Variants in MRPL52 observed in about 807,000 individuals in gnomAD.
MRPL52 encodes the protein mitochondrial ribosomal protein L52.
A neutral mutation model predicts 22.1 loss-of-function variants in MRPL52; 19 were observed. That is an observed-to-expected ratio of 0.86 (90% CI 0.60 to 1.26). MRPL52 has a LOEUF of 1.26. MRPL52 is among the 50% of genes most tolerant of loss of function. The pLI, the probability that MRPL52 is intolerant of heterozygous loss-of-function variation, is 0.00. For missense variants in MRPL52, 152 were observed against 148.1 expected (o/e 1.03, Z -0.14); for synonymous variants, 50 against 57.5 (o/e 0.87, Z 0.59).
Position 22,834,297 on chromosome 14 carries a change from G to C in MRPL52, c.345G>C (p.Leu115=), listed in dbSNP as rs765323302. Residue 115 remains leucine (L), a synonymous_variant, in exon 5 of 5, where the codon CTG becomes CTC. Transcript: ENST00000397496. The part of the protein sequence containing the change: ...ENALKPKGAS[L]KSPLPSQ ...CTCTTAAACCCAAAGGGGCTTCACT[G>C]AAGAGCCCACTTCCAAGTCAATAAA... The C allele has an allele frequency of 6.2e-7, 1 of 1,613,516 alleles. No homozygotes were observed. Among genetic ancestry groups the C allele is most frequent in the South Asian group, 1.1e-5 (1 of 90,958 alleles).
rs1417625077 is a variant in MRPL52 at position 22,830,216 on chromosome 14, A to G, written c.116A>G (p.Tyr39Cys). The change falls in exon 3 of 5, where the codon TAC becomes TGC. Residue 39 changes from tyrosine to cysteine, a missense_variant. Coordinates refer to ENST00000397496, the MANE Select transcript of MRPL52 (RefSeq NM_180982.3). ...GGACTGGCTGCCAACCCCTCCGGCT[A>G]CGGGCCCCTTACCGAGCTCCCAGAC... is the stretch of plus-strand genomic sequence containing the variant. ...QQGLAANPSG[Y>C]GPLTELPDWS... 3 of 1,614,098 alleles carry G rather than the reference A, an allele frequency of 1.9e-6. No individual in the cohort carries two copies. The highest frequency in any genetic ancestry group is 1.3e-5 in the African/African-American group (1 of 74,944).
rs60352567 is a variant in MRPL52 at position 22,832,433 on chromosome 14, C to T, written c.155-985C>T. On this transcript the variant is annotated intron_variant, in intron 3 of 4. Transcript: ENST00000397496. ...TTGGCTCACTGCAAGCTCAGCCTCC[C>T]GGGTTCAGGCCATTCTCATGCCTCA... Among the ~76,000 whole-genome samples, 64 of 152,144 alleles carry T rather than the reference C, an allele frequency of 4.2e-4. 1 individual carries two copies. Among genetic ancestry groups the T allele is most frequent in the Admixed American group, 3.2e-3 (49 of 15,266 alleles).
chr14:22,831,688 C>T (rs944374577), intron 3 of MRPL52: 3 of 152,222 alleles, frequency 2.0e-5, no homozygotes, highest in African/African-American at 7.2e-5. Context: ...AAGTAAACTA[C>T]TTGGGTTAGA....
At chr14:22,833,515 G>T in intron 4 of MRPL52, 33 bp downstream of exon 4, 1 of 1,516,396 alleles carries the variant, frequency 6.6e-7, no homozygotes. Context: ...AGGGCTACCT[G>T]GAAGGAGAAC....
intron 3 of MRPL52, 182 bp downstream of exon 3, chr14:22,830,436 G>A (rs982070741): frequency 2.2e-5 from 14 of 646,728 alleles, no homozygotes; most frequent in Non-Finnish European, 2.4e-5. Flanking sequence ...TTCGACTAAG[G>A]AAGGTAAAGC....
rs758058731 is a variant in MRPL52 at position 22,834,152 on chromosome 14, T to A, written c.220-20T>A. The A allele has an allele frequency of 2.5e-6, 4 of 1,613,070 alleles. No homozygotes were observed. The East Asian group carries it at 8.9e-5, about 36-fold the overall frequency. On this transcript the variant is annotated intron_variant, in intron 4 of 4. Coordinates refer to ENST00000397496, the MANE Select transcript of MRPL52 (RefSeq NM_180982.3). Reference sequence around the variant, plus strand: ...CTGAAGTCCCAGATGTTATCCACACTGTTTTCCTGTCTGTTTCAGAGACGA... The same window carrying A: ...CTGAAGTCCCAGATGTTATCCACACAGTTTTCCTGTCTGTTTCAGAGACGA...
chr14:22,829,963 C>A, intron 1 of MRPL52, 23 bp downstream of exon 1: 1 of 1,611,692 alleles, frequency 6.2e-7, no homozygotes. Flanking sequence ...AGATAGGGAC[C>A]GTGGACTCGG....
At chr14:22,833,303 T>C in intron 3 of MRPL52, 115 bp from the exon 4 acceptor site, 4 of 710,334 alleles carry the variant, frequency 5.6e-6, no homozygotes, top group Non-Finnish European at 1.0e-5. Context: ...ACAATGTATA[T>C]GAAATGGAAG....
intron 3 of MRPL52, 26 bp downstream of exon 3, chr14:22,830,280 C>T (rs199517021): frequency 1.1e-5 from 18 of 1,613,462 alleles, no homozygotes; most frequent in Admixed American, 1.7e-5. Flanking sequence ...GCAGTTAACT[C>T]CACTGGGGAG....
chr14:22,832,024 A>G (rs1293419685), intron 3 of MRPL52: 1 of 151,836 alleles, frequency 6.6e-6, no homozygotes, highest in African/African-American at 2.4e-5. Flanking sequence ...ATAATAAATA[A>G]TATTTCAATA....
intron 3 of MRPL52, chr14:22,831,521 C>T (rs1440159320): frequency 1.3e-5 from 2 of 152,516 alleles, no homozygotes; most frequent in Admixed American, 6.5e-5. Context: ...AAAAGAATAC[C>T]TATCTCATGT....
At chr14:22,833,316 A>T in intron 3 of MRPL52, 102 bp from the exon 4 acceptor site, 1 of 746,246 alleles carries the variant, frequency 1.3e-6, no homozygotes, top group Non-Finnish European at 2.4e-6. Context: ...AATGGAAGAG[A>T]GGAGCTAGAG....
chr14:22,833,804 A>G (rs2039678722), intron 4 of MRPL52, among the ~76,000 whole-genome samples: 1 of 152,128 alleles, frequency 6.6e-6, no homozygotes, highest in Admixed American at 6.5e-5. Context: ...TATTTTTAGT[A>G]GAGACAGGGT....
Position 22,830,259 on chromosome 14 carries a change from G to A in MRPL52, c.154+5G>A, listed in dbSNP as rs754758627. 2.5e-6 allele frequency: 4 copies of A among 1,614,140 alleles called. No individual in the cohort carries two copies. Among genetic ancestry groups the A allele is most frequent in the Admixed American group, 1.7e-5 (1 of 60,014 alleles). ...TCCCAGACTGGTCATATGCGGGTAAGCGCTGATCTGGCAGTTAACTCCACT... is the reference window on the plus strand; with the variant it reads ...TCCCAGACTGGTCATATGCGGGTAAACGCTGATCTGGCAGTTAACTCCACT... On this transcript the variant is annotated splice_donor_5th_base_variant and intron_variant, in intron 3 of 4. Coordinates refer to ENST00000397496, the MANE Select transcript of MRPL52 (RefSeq NM_180982.3).
intron 3 of MRPL52, chr14:22,832,221 A>G (rs2039636766): frequency 6.6e-6 from 1 of 152,256 alleles, no homozygotes; most frequent in Non-Finnish European, 1.5e-5. Flanking sequence ...AGTGGACCTA[A>G]GGATGAAGAT....
chr14:22,832,946 G>C (rs555643107), intron 3 of MRPL52, among the ~76,000 whole-genome samples: 1 of 152,058 alleles, frequency 6.6e-6, no homozygotes, highest in African/African-American at 2.4e-5. Context: ...TTGGGAGGCC[G>C]AGGCAGGTGG....
At chr14:22,829,962 C>T (rs1275998593) in intron 1 of MRPL52, 22 bp downstream of exon 1, 9 of 1,611,314 alleles carry the variant, frequency 5.6e-6, no homozygotes, top group Middle Eastern at 1.6e-4. Flanking sequence ...TAGATAGGGA[C>T]CGTGGACTCG....
intron 3 of MRPL52, chr14:22,830,795 C>G (rs2039590459): frequency 1.9e-6 from 1 of 539,282 alleles, no homozygotes; most frequent in African/African-American, 1.9e-5. Flanking sequence ...AGCTACTCCC[C>G]ATTCTCCTTA....
Position 22,834,923 on chromosome 14 carries a change from G to C in MRPL52, c.*602G>C, listed in dbSNP as rs575256277. ...TATGAGAAATAGCTGTTCTGTGAAC[G>C]TGAAAAGGGGACAGCAGTTTTCCCA... On this transcript the variant is annotated 3_prime_UTR_variant, in exon 5 of 5. Coordinates refer to ENST00000397496, the MANE Select transcript of MRPL52 (RefSeq NM_180982.3). 6.6e-6 allele frequency: 1 copy of C among 152,352 alleles called. No individual in the cohort carries two copies. The highest frequency in any genetic ancestry group is 2.4e-5 in the African/African-American group (1 of 41,546). 9.4% of individuals were successfully genotyped at this position (152,352 alleles called of 1,614,324 possible). A position where few individuals can be genotyped will look rare whatever the true frequency, so the allele number is the denominator to read the frequency against.
Sources: allele counts gnomAD v4.1 joint callset (sites outside exome capture counted in the v4.1 genomes callset), GRCh38; gene constraint gnomAD v4.1.1; transcripts MANE v1.5; gene names NCBI Gene and HGNC (gene_info 2026-07-23, HGNC 2026-07-21).